Variants in SLC13A5 observed in about 807,000 individuals in gnomAD.
SLC13A5 encodes the protein Na(+)/citrate cotransporter.
Under a neutral mutation model 56.5 loss-of-function variants are expected in SLC13A5, and 25 were observed. That is an observed-to-expected ratio of 0.44 (90% CI 0.32 to 0.62). SLC13A5 has a LOEUF of 0.62. Ranked by LOEUF, SLC13A5 falls within the 20% of genes least tolerant of loss-of-function variation. SLC13A5 has a pLI of 0.04. For synonymous variants in SLC13A5, 307 were observed against 301.5 expected (o/e 1.02, Z -0.19); for missense variants, 649 against 737.8 (o/e 0.88, Z 1.39).
chr17:6,698,348 A>G (rs1375913559), intron 6 of SLC13A5, among the ~76,000 whole-genome samples: 2 of 152,234 alleles, frequency 1.3e-5, no homozygotes, highest in African/African-American at 2.4e-5. Flanking sequence ...ACTCAGCTTC[A>G]GGTTCTGGCT....
chr17:6,694,274 T>C, intron 7 of SLC13A5, 77 bp from the exon 8 acceptor site: 2 of 839,120 alleles, frequency 2.4e-6, no homozygotes, highest in East Asian at 5.2e-5. Flanking sequence ...GGCAGTTCTG[T>C]GTCCAAATGC....
chr17:6,700,688 A>T (rs566762011), intron 6 of SLC13A5, among the ~76,000 whole-genome samples: 8 of 152,196 alleles, frequency 5.3e-5, no homozygotes, highest in Non-Finnish European at 7.3e-5. Flanking sequence ...CAGGCCTGTG[A>T]TATGCCCAGG....
intron 7 of SLC13A5, among the ~76,000 whole-genome samples, chr17:6,695,051 A>G (rs1973520685): frequency 6.6e-6 from 1 of 152,156 alleles, no homozygotes; most frequent in African/African-American, 2.4e-5. Context: ...TGAGAAAGGG[A>G]AGATGGCAGA....
intron 4 of SLC13A5, among the ~76,000 whole-genome samples, chr17:6,703,518 C>G (rs1973775431): frequency 6.6e-6 from 1 of 152,298 alleles, no homozygotes; most frequent in African/African-American, 2.4e-5. Flanking sequence ...AGGATTTGAG[C>G]TGCTCGAGGA....
At position 6,706,734 on chromosome 17, in the gene SLC13A5, G is replaced by A. The variant is rs771703938; in HGVS notation, c.276C>T (p.Gly92=). 35 of 1,613,854 alleles carry A rather than the reference G, an allele frequency of 2.2e-5. No individual in the cohort carries two copies. The highest frequency in any genetic ancestry group is 1.6e-4 in the Middle Eastern group (1 of 6,084). The part of the protein sequence containing the change: ...YMKDTNMLFL[G]GLIVAVAVER... ...CCACAGCCACGGCCACGATGAGGCC[G>A]CCCAGGAACAGCATGTTGGTGTCCT... The change falls in exon 3 of 12, where the codon GGC becomes GGT. Residue 92 remains glycine (G), a synonymous_variant. Coordinates refer to ENST00000433363, the MANE Select transcript of SLC13A5 (RefSeq NM_177550.5).
chr17:6,705,954 G>A (rs1217396869), intron 3 of SLC13A5, among the ~76,000 whole-genome samples: 1 of 152,186 alleles, frequency 6.6e-6, no homozygotes, highest in Non-Finnish European at 1.5e-5. Context: ...CAGAATGTGG[G>A]CAGTAAGAAT....
rs1268874582 is a variant in SLC13A5 at position 6,692,157 on chromosome 17, A to ATGGG, written c.1275+886_1275+887insCCCA. On this transcript the variant is annotated intron_variant, in intron 9 of 11. Transcript: ENST00000433363. This position sits in a 1 kb window ranked among gnomAD's most constrained non-coding sequence, Gnocchi z 5.5. The stretch of plus-strand genomic sequence containing the variant: ...GATGGATGGATGGATGGATGGATGG[A>ATGGG]TGGATGGATAGATGGGTGGATGGAT... Among the ~76,000 whole-genome samples, 3 of 151,596 alleles carry ATGGG rather than the reference A, an allele frequency of 2.0e-5. No individual in the cohort carries two copies. Among genetic ancestry groups the ATGGG allele is most frequent in the African/African-American group, 7.3e-5 (3 of 41,268 alleles).
In SLC13A5 at chr17:6,701,176, G is replaced by A; in HGVS notation, c.717-50C>T. On this transcript the variant is annotated intron_variant, in intron 5 of 11. Transcript: ENST00000433363. The surrounding 1 kb of genome is among the most constrained non-coding windows in gnomAD (Gnocchi z 4.1). ...CTCAGATGCTGAGCTGTGGGAGCCA[G>A]CCTGGCCCTGTGCGTGGGGACGGAG... 1 of 1,607,952 alleles carries A rather than the reference G, an allele frequency of 6.2e-7. No individual in the cohort carries two copies. Among genetic ancestry groups the A allele is most frequent in the Non-Finnish European group, 8.5e-7 (1 of 1,177,130 alleles).
rs535961114 is a variant in SLC13A5, at chr17:6,696,379, T to C, written c.840-438A>G. Among the ~76,000 whole-genome samples the C allele has an allele frequency of 9.2e-5, 14 of 152,286 alleles. No individual in the cohort carries two copies. The South Asian group carries it at 1.2e-3, about 14-fold the overall frequency. ...CTCAGGGAGATGCAGGGAGTGAGTA[T>C]GAACCCTGGCAGACAGGGCTAGTCA... is the stretch of plus-strand genomic sequence containing the variant. On this transcript the variant is annotated intron_variant, in intron 6 of 11. Transcript: ENST00000433363.
At position 6,701,011 on chromosome 17, in the gene SLC13A5, T is replaced by C; in HGVS notation, c.832A>G (p.Arg278Gly). The C allele has an allele frequency of 6.2e-7, 1 of 1,614,162 alleles. No homozygotes were observed. Among genetic ancestry groups the C allele is most frequent in the South Asian group, 1.1e-5 (1 of 91,078 alleles). ...AWLWLQFVYM[R>G]FNFKKSWGCG... ...TGAGCAGCTCAAACTTACTTGAATC[T>C]CATGTAAACAAACTGGAGCCACAGC... is the stretch of plus-strand genomic sequence containing the variant. The change falls in exon 6 of 12, where the codon AGA becomes GGA. Residue 278 changes from arginine to glycine, a missense_variant. Transcript: ENST00000433363. This position sits in a 1 kb window ranked among gnomAD's most constrained non-coding sequence, Gnocchi z 4.1.
intron 6 of SLC13A5, among the ~76,000 whole-genome samples, chr17:6,697,284 C>T: frequency 6.6e-6 from 1 of 152,150 alleles, no homozygotes; most frequent in East Asian, 1.9e-4. Flanking sequence ...TAAGGGGTGA[C>T]CTTGGTATTA....
At chr17:6,691,410 T>C (rs1330854713) in intron 9 of SLC13A5, among the ~76,000 whole-genome samples, 1 of 152,142 alleles carries the variant, frequency 6.6e-6, no homozygotes, top group Non-Finnish European at 1.5e-5. Flanking sequence ...TCTCCTCCTC[T>C]TCAGTGCTCC....
At chr17:6,699,138 G>A (rs1244208979) in intron 6 of SLC13A5, among the ~76,000 whole-genome samples, 2 of 151,930 alleles carry the variant, frequency 1.3e-5, no homozygotes, top group African/African-American at 4.8e-5. Context: ...TCGAAATCAT[G>A]TCTGGCACAT....
At chr17:6,694,479 A>C (rs1169523955) in intron 7 of SLC13A5, among the ~76,000 whole-genome samples, 1 of 152,090 alleles carries the variant, frequency 6.6e-6, no homozygotes, top group Admixed American at 6.5e-5. Context: ...TTAGCCAGAC[A>C]TGCTGGCGGG....
intron 6 of SLC13A5, among the ~76,000 whole-genome samples, chr17:6,698,933 T>C (rs1973630999): frequency 6.6e-6 from 1 of 151,554 alleles, no homozygotes; most frequent in Non-Finnish European, 1.5e-5. Flanking sequence ...TTCCAGCTAC[T>C]TGGGAGGCTG....
intron 5 of SLC13A5, among the ~76,000 whole-genome samples, chr17:6,702,495 C>T (rs1186746629): frequency 1.3e-5 from 2 of 152,214 alleles, no homozygotes; most frequent in Non-Finnish European, 2.9e-5. Flanking sequence ...CTGTAGACCT[C>T]GGATGCCATG....
intron 4 of SLC13A5, among the ~76,000 whole-genome samples, chr17:6,703,449 C>A (rs1334443057): frequency 1.3e-5 from 2 of 152,190 alleles, no homozygotes; most frequent in Non-Finnish European, 2.9e-5. Context: ...GAGCTTCGCA[C>A]CTAGCAGGGA....
chr17:6,696,629 G>A (rs200201641), intron 6 of SLC13A5, among the ~76,000 whole-genome samples: 2 of 152,202 alleles, frequency 1.3e-5, no homozygotes, highest in East Asian at 3.9e-4. Flanking sequence ...AGGAGAGGAG[G>A]TTCTTGGAGG....
At chr17:6,704,580 AAGTG>A in intron 3 of SLC13A5, 1 of 252,374 alleles carries the variant, frequency 4.0e-6, no homozygotes, top group South Asian at 4.9e-5. Context: ...GAGCTTGGGA[AAGTG>A]TGACTATTCT....
Sources: gnomAD v4.1 joint callset for allele counts (sites outside exome capture counted in the v4.1 genomes callset) on GRCh38, gnomAD v4.1.1 for gene constraint, Gnocchi (gnomAD v3.1) non-coding constraint, MANE v1.5 for transcripts, NCBI Gene and HGNC (gene_info 2026-07-23, HGNC 2026-07-21) for gene names.